QRFPR: variants seen among roughly 807,000 people sequenced by gnomAD.
QRFPR encodes pyroglutamylated RFamide peptide receptor, also known as pyroglutamylated RF-amide peptide receptor.
Under a neutral mutation model 31.3 loss-of-function variants are expected in QRFPR, and 37 were observed. That is an observed-to-expected ratio of 1.18 (90% confidence interval 0.91 to 1.56). The LOEUF is 1.56. QRFPR is among the 40% of genes most tolerant of loss of function. The probability of loss-of-function intolerance (pLI) is 0.00; values close to 1 mark genes in which losing one functional copy is unlikely to be tolerated. For missense variants in QRFPR, 542 were observed against 532.5 expected (o/e 1.02, Z -0.18); for synonymous variants, 197 against 192.0 (o/e 1.03, Z -0.22).
At chr4:121,331,314 G>A (rs1415870194) in intron 4 of QRFPR, among the ~76,000 whole-genome samples, 1 of 149,560 alleles carries the variant, frequency 6.7e-6, no homozygotes, top group East Asian at 2.0e-4. Context: ...CCTCCACGTA[G>A]CTGGGACCAC....
At chr4:121,380,194 AGAGAGAG>A in intron 1 of QRFPR, 107 bp downstream of exon 1, 3 of 199,288 alleles carry the variant, frequency 1.5e-5, no homozygotes, top group Non-Finnish European at 2.5e-5. Context: ...GAGGAGAGAG[AGAGAGAG>A]AGAGAGAGAG....
Position 121,336,826 on chromosome 4 carries a change from C to T in QRFPR, c.542G>A (p.Trp181Ter). Residue 181 changes from tryptophan (W) to a stop codon, truncating the protein, a stop_gained, in exon 3 of 6, where the codon TGG becomes TAG. Transcript: ENST00000394427. LOFTEE classifies it high-confidence loss of function. ...GTCTACCTCAAGTTGTTGCACGTGCCACATGGGTGATCCTACGATGACTGC... is the reference window on the plus strand; with the variant it reads ...GTCTACCTCAAGTTGTTGCACGTGCTACATGGGTGATCCTACGATGACTGC... ...LVAVIVGSPM[W>*]HVQQLEIKYD... The T allele has an allele frequency of 1.9e-6, 3 of 1,613,910 alleles. No homozygotes were observed. The highest frequency in any genetic ancestry group is 2.5e-6 in the Non-Finnish European group (3 of 1,179,824).
chr4:121,379,983 A>G (rs994274878), intron 1 of QRFPR, among the ~76,000 whole-genome samples: 9 of 151,982 alleles, frequency 5.9e-5, no homozygotes, highest in African/African-American at 2.2e-4. Flanking sequence ...TTCCTGCCTC[A>G]CTGCTCGGGA....
At chr4:121,378,380 C>G (rs1726397171) in intron 1 of QRFPR, among the ~76,000 whole-genome samples, 1 of 149,512 alleles carries the variant, frequency 6.7e-6, no homozygotes, top group South Asian at 2.1e-4. Context: ...CCAACATGAA[C>G]TGGAGCTAAA....
At chr4:121,343,361 T>G (rs1725580802) in intron 1 of QRFPR, among the ~76,000 whole-genome samples, 1 of 152,222 alleles carries the variant, frequency 6.6e-6, no homozygotes, top group African/African-American at 2.4e-5. Context: ...AGATACTCCC[T>G]TCCCAATCCT....
chr4:121,334,284 C>T (rs765916784), intron 3 of QRFPR, among the ~76,000 whole-genome samples: 7 of 152,172 alleles, frequency 4.6e-5, no homozygotes, highest in Non-Finnish European at 5.9e-5. Context: ...AGGGTATGCT[C>T]AGATGGTTTT....
In QRFPR at chr4:121,366,553, CA is replaced by C. The variant is rs937690785; in HGVS notation, c.340+13754del. On this transcript the variant is annotated intron_variant, in intron 1 of 5. Coordinates refer to ENST00000394427, the MANE Select transcript of QRFPR (RefSeq NM_198179.3). ...AACCGAAAGAGGAAACCATGTGGGA[CA>C]GGGATGGCCTGGCCCTTGCTGAGGT... Among the ~76,000 whole-genome samples the C allele has an allele frequency of 1.8e-4, 19 of 103,322 alleles. 2 individuals carry two copies. Among genetic ancestry groups the C allele is most frequent in the African/African-American group, 4.3e-4 (14 of 32,602 alleles). The allele number at this position is 103,322 out of a possible 152,430, so 67.8% of individuals were successfully genotyped here. A position where few individuals can be genotyped will look rare whatever the true frequency, so the allele number is the denominator to read the frequency against.
chr4:121,352,603 T>C (rs1725784235), intron 1 of QRFPR, among the ~76,000 whole-genome samples: 1 of 152,064 alleles, frequency 6.6e-6, no homozygotes. Flanking sequence ...GAATACATAA[T>C]GGTTATACAT....
chr4:121,380,100 G>A (rs1488430189), intron 1 of QRFPR, among the ~76,000 whole-genome samples: 1 of 151,700 alleles, frequency 6.6e-6, no homozygotes, highest in African/African-American at 2.4e-5. Flanking sequence ...AACACAGGTG[G>A]CGAAGTTCTA....
intron 1 of QRFPR, among the ~76,000 whole-genome samples, chr4:121,376,043 G>T (rs991138843): frequency 1.3e-5 from 2 of 152,178 alleles, no homozygotes; most frequent in Admixed American, 6.5e-5. Context: ...AGGTAAATTT[G>T]GTGGCCCTAA....
intron 1 of QRFPR, among the ~76,000 whole-genome samples, chr4:121,342,225 C>T (rs994886010): frequency 6.6e-6 from 1 of 151,940 alleles, no homozygotes; most frequent in East Asian, 1.9e-4. Flanking sequence ...GCTCCTGGTT[C>T]CCACACCTTC....
intron 1 of QRFPR, among the ~76,000 whole-genome samples, chr4:121,377,399 CTA>C (rs71599124): frequency 0.096 from 13,446 of 139,598 alleles, 973 homozygotes; most frequent in African/African-American, 0.22. Context: ...TTTTACATAA[CTA>C]TATATATATA....
At chr4:121,331,584 T>A (rs1351699768) in intron 4 of QRFPR, among the ~76,000 whole-genome samples, 1 of 151,368 alleles carries the variant, frequency 6.6e-6, no homozygotes, top group Non-Finnish European at 1.5e-5. Context: ...CACATTTGCA[T>A]GGTGCTTTAA....
In QRFPR at chr4:121,380,370, A is replaced by T; in HGVS notation, c.278T>A (p.Leu93His). The T allele has an allele frequency of 6.2e-7, 1 of 1,614,216 alleles. No individual in the cohort carries two copies. Among genetic ancestry groups the T allele is most frequent in the Non-Finnish European group, 8.5e-7 (1 of 1,180,024 alleles). ...GACGGGAATGCAGAAGAAGGTGATGAGCAGGTCACTGAGCGCCAAGGAGCA... is the reference window on the plus strand; with the variant it reads ...GACGGGAATGCAGAAGAAGGTGATGTGCAGGTCACTGAGCGCCAAGGAGCA... ...FICSLALSDL[L>H]ITFFCIPVTM... Residue 93 changes from leucine to histidine, a missense_variant, in exon 1 of 6, where the codon CTC becomes CAC. Coordinates refer to ENST00000394427, the MANE Select transcript of QRFPR (RefSeq NM_198179.3).
At chr4:121,363,988 G>A (rs774172579) in intron 1 of QRFPR, among the ~76,000 whole-genome samples, 1 of 150,080 alleles carries the variant, frequency 6.7e-6, no homozygotes, top group African/African-American at 2.5e-5. Context: ...ACCAGACAGC[G>A]AGAAAGTCTA....
chr4:121,337,000 C>G, intron 2 of QRFPR, 132 bp from the exon 3 acceptor site: 1 of 786,620 alleles, frequency 1.3e-6, no homozygotes. Context: ...ATGGTCTCCC[C>G]CAAGTTTCAT....
rs1726116407 is a variant in QRFPR at position 121,365,632 on chromosome 4, A to ATAT, written c.340+14673_340+14675dup. Among the ~76,000 whole-genome samples, 68 of 25,016 alleles carry ATAT rather than the reference A, an allele frequency of 2.7e-3. 7 individuals are homozygous for ATAT. Among genetic ancestry groups the ATAT allele is most frequent in the African/African-American group, 0.013 (67 of 5,026 alleles). The allele number at this position is 25,016 out of a possible 152,430, so 16.4% of individuals were successfully genotyped here. On this transcript the variant is annotated intron_variant, in intron 1 of 5. Coordinates refer to ENST00000394427, the MANE Select transcript of QRFPR (RefSeq NM_198179.3). ...ATATATTATATATATTATATATTAT[A>ATAT]TATATATTTTATATATTATATATTA...
At chr4:121,333,679 C>T (rs1725379746) in intron 3 of QRFPR, among the ~76,000 whole-genome samples, 1 of 152,158 alleles carries the variant, frequency 6.6e-6, no homozygotes, top group Admixed American at 6.5e-5. Flanking sequence ...TTTATTCGTA[C>T]TATTTCTGGT....
At chr4:121,330,378 C>T (rs1431611605) in intron 5 of QRFPR, 48 bp downstream of exon 5, 1 of 1,254,616 alleles carries the variant, frequency 8.0e-7, no homozygotes, top group Non-Finnish European at 1.2e-6. Flanking sequence ...TCTATTCTAG[C>T]AGGAAATGAA....
Sources: allele counts gnomAD v4.1 joint callset (sites outside exome capture counted in the v4.1 genomes callset), GRCh38; gene constraint gnomAD v4.1.1; transcripts MANE v1.5; gene names NCBI Gene and HGNC (gene_info 2026-07-23, HGNC 2026-07-21).